The following WWOX variants were observed in gnomAD, a reference collection of about 807,000 sequenced individuals.
WWOX encodes WW domain containing oxidoreductase.
A neutral mutation model predicts 46.2 loss-of-function variants in WWOX; 69 were observed. That is an observed-to-expected ratio of 1.49 (90% CI 1.23 to 1.82). WWOX has a LOEUF of 1.82. Ranked by LOEUF, WWOX falls within the 40% of genes most tolerant of loss-of-function variation. The pLI, the probability that WWOX is intolerant of heterozygous loss-of-function variation, is 0.00. For synonymous variants in WWOX, 359 were observed against 202.6 expected (o/e 1.77, Z -6.56); for missense variants, 919 against 542.6 (o/e 1.69, Z -6.89).
intron 8 of WWOX, among the ~76,000 whole-genome samples, chr16:78,930,285 T>TC (rs2045595090): frequency 2.2e-5 from 2 of 91,220 alleles, no homozygotes; most frequent in African/African-American, 9.6e-5. Context: ...CTTTCTTTTT[T>TC]TATTTTTTTT....
chr16:79,031,893 CAGATATCTATAT>C (rs2047766234), intron 8 of WWOX, among the ~76,000 whole-genome samples: 1 of 66,024 alleles, frequency 1.5e-5, no homozygotes, highest in African/African-American at 3.8e-5. Flanking sequence ...TATCTGTATA[CAGATATCTATAT>C]ATATAGATAT....
chr16:78,866,079 A>C (rs2043997063), intron 8 of WWOX, among the ~76,000 whole-genome samples: 1 of 152,210 alleles, frequency 6.6e-6, no homozygotes, highest in Non-Finnish European at 1.5e-5. Flanking sequence ...TTCTAGTTGG[A>C]AATGTTAAGT....
intron 8 of WWOX, among the ~76,000 whole-genome samples, chr16:79,028,636 G>C (rs1015476378): frequency 2.6e-5 from 4 of 151,218 alleles, no homozygotes; most frequent in African/African-American, 9.8e-5. Flanking sequence ...GGTATGTTTT[G>C]GGGGGAAAAA....
chr16:78,781,439 C>T (rs941381927), intron 8 of WWOX, among the ~76,000 whole-genome samples: 1 of 152,158 alleles, frequency 6.6e-6, no homozygotes, highest in African/African-American at 2.4e-5. Flanking sequence ...CCATCCTCAC[C>T]AGGAAGGAGG....
At chr16:78,975,641 C>T (rs56382340) in intron 8 of WWOX, among the ~76,000 whole-genome samples, 1 of 152,082 alleles carries the variant, frequency 6.6e-6, no homozygotes, top group Non-Finnish European at 1.5e-5. Context: ...CAACTGTCGT[C>T]CCTCAAAACC....
chr16:78,571,941 A>C (rs902698551), intron 8 of WWOX, among the ~76,000 whole-genome samples: 6 of 152,198 alleles, frequency 3.9e-5, no homozygotes, highest in Non-Finnish European at 8.8e-5. Context: ...GTTAAGTACT[A>C]AGGTCATAAC....
intron 8 of WWOX, among the ~76,000 whole-genome samples, chr16:78,835,125 T>C (rs1567593326): frequency 6.6e-6 from 1 of 152,206 alleles, no homozygotes. Flanking sequence ...AGGTAATATA[T>C]GGGCTTGAAT....
chr16:78,828,314 G>C (rs1192144191), intron 8 of WWOX, among the ~76,000 whole-genome samples: 1 of 152,090 alleles, frequency 6.6e-6, no homozygotes, highest in Non-Finnish European at 1.5e-5. Flanking sequence ...CCAGGGGCCA[G>C]GCAAAAACTG....
chr16:78,865,531 T>C (rs1567612860), intron 8 of WWOX, among the ~76,000 whole-genome samples: 1 of 152,148 alleles, frequency 6.6e-6, no homozygotes, highest in East Asian at 1.9e-4. Context: ...AATTTATAAT[T>C]CCTTAGATTG....
Position 78,429,930 on chromosome 16 carries a change from C to G in WWOX, c.792-2558C>G, listed in dbSNP as rs1196668366. On this transcript the variant is annotated intron_variant, in intron 7 of 8. Transcript: ENST00000566780. ...CTTGAATGGACTCTCATAAAAAAGC[C>G]CACCATTACCAGGTGTGTGGTATTG... Among the ~76,000 whole-genome samples the G allele has an allele frequency of 2.0e-5, 3 of 152,174 alleles. No individual in the cohort carries two copies. In the East Asian group the frequency reaches 5.8e-4, roughly 29 times the overall value.
chr16:78,492,457 C>T (rs1442874181), intron 8 of WWOX, among the ~76,000 whole-genome samples: 2 of 152,140 alleles, frequency 1.3e-5, no homozygotes, highest in Non-Finnish European at 1.5e-5. Flanking sequence ...ACATATTCAG[C>T]ATCCAATCCA....
chr16:79,082,063 C>A (rs568186035), intron 8 of WWOX, among the ~76,000 whole-genome samples: 114 of 152,202 alleles, frequency 7.5e-4, no homozygotes, highest in African/African-American at 2.6e-3. Flanking sequence ...GGAGTGAAGC[C>A]ATTCCTTGCC....
intron 8 of WWOX, among the ~76,000 whole-genome samples, chr16:78,484,277 T>C (rs966211527): frequency 1.3e-5 from 2 of 152,232 alleles, no homozygotes; most frequent in African/African-American, 4.8e-5. Context: ...ACTATACATT[T>C]GTCTTAAAAA....
At chr16:78,238,588 A>G (rs978560713) in intron 5 of WWOX, among the ~76,000 whole-genome samples, 3 of 151,836 alleles carry the variant, frequency 2.0e-5, no homozygotes, top group South Asian at 4.2e-4. Flanking sequence ...CCGCAAAGGT[A>G]TTTTGTAATA....
At chr16:78,711,749 T>A (rs998272082) in intron 8 of WWOX, among the ~76,000 whole-genome samples, 2 of 152,184 alleles carry the variant, frequency 1.3e-5, no homozygotes, top group African/African-American at 4.8e-5. Context: ...TGCTTTACTA[T>A]GAGTATTGAC....
chr16:79,056,834 T>C (rs952230067), intron 8 of WWOX, among the ~76,000 whole-genome samples: 3 of 152,230 alleles, frequency 2.0e-5, no homozygotes, highest in African/African-American at 7.2e-5. Context: ...ATCTGCTTCT[T>C]CCAAATTGTC....
intron 8 of WWOX, among the ~76,000 whole-genome samples, chr16:79,113,615 T>C (rs2049457626): frequency 6.6e-6 from 1 of 152,228 alleles, no homozygotes; most frequent in African/African-American, 2.4e-5. Context: ...GTCCCCAGCA[T>C]AGCAGTTGGC....
intron 8 of WWOX, among the ~76,000 whole-genome samples, chr16:79,201,894 T>A (rs752773853): frequency 3.3e-5 from 5 of 152,162 alleles, no homozygotes; most frequent in Non-Finnish European, 7.3e-5. Context: ...TCATGACACT[T>A]GCAGGAAAAA....
intron 8 of WWOX, among the ~76,000 whole-genome samples, chr16:79,056,706 C>G (rs775155336): frequency 2.5e-4 from 38 of 152,186 alleles, no homozygotes; most frequent in Non-Finnish European, 5.4e-4. Flanking sequence ...GGTCATGTCT[C>G]TTGGCTGGGA....
Sources: gnomAD v4.1 joint callset for allele counts (sites outside exome capture counted in the v4.1 genomes callset) on GRCh38, gnomAD v4.1.1 for gene constraint, MANE v1.5 for transcripts, NCBI Gene and HGNC (gene_info 2026-07-23, HGNC 2026-07-21) for gene names.